The following PIWIL1 variants were observed in gnomAD, a reference collection of about 807,000 sequenced individuals.
PIWIL1 encodes the protein piwi-like protein 1.
A neutral mutation model predicts 114.4 loss-of-function variants in PIWIL1; 73 were observed. That is an observed-to-expected ratio of 0.64 (90% CI 0.53 to 0.78). The LOEUF (loss-of-function observed/expected upper bound fraction) is 0.78, where lower values mean the gene tolerates loss of function less well. Among genes scored for constraint, PIWIL1 ranks in the 30% least tolerant of loss-of-function variants. PIWIL1 has a pLI of 0.00. For missense variants in PIWIL1, 723 were observed against 1,063.1 expected (o/e 0.68, Z 4.45); for synonymous variants, 375 against 369.0 (o/e 1.02, Z -0.19).
chr12:130,387,937 T>C, the PIWIL1 span, among the ~76,000 whole-genome samples: 1 of 152,260 alleles, frequency 6.6e-6, no homozygotes, highest in African/African-American at 2.4e-5. Flanking sequence ...ACTTTTGCTC[T>C]AACCCAAAGT....
chr12:130,407,792 C>G, the PIWIL1 span: 11 of 1,614,030 alleles, frequency 6.8e-6, 1 homozygote, highest in East Asian at 4.5e-5. Flanking sequence ...TTCTCCGCGT[C>G]GATACCGAAT....
chr12:130,398,000 G>T, the PIWIL1 span: 2 of 152,478 alleles, frequency 1.3e-5, no homozygotes, highest in Non-Finnish European at 2.9e-5. Context: ...TCCTGGGGTG[G>T]TTGGTATACT....
At chr12:130,396,298 A>T in the PIWIL1 span, 5 of 152,696 alleles carry the variant, frequency 3.3e-5, no homozygotes, top group African/African-American at 1.2e-4. Flanking sequence ...ACAATGGGGA[A>T]AGCTTTGTCA....
the PIWIL1 span, among the ~76,000 whole-genome samples, chr12:130,409,754 T>C: frequency 6.6e-6 from 1 of 152,098 alleles, no homozygotes; most frequent in African/African-American, 2.4e-5. Flanking sequence ...GTAGGCCCCA[T>C]TGTGTGGGGC....
the PIWIL1 span, among the ~76,000 whole-genome samples, chr12:130,403,522 G>C: frequency 1.3e-5 from 2 of 152,174 alleles, no homozygotes; most frequent in African/African-American, 4.8e-5. Flanking sequence ...AAGATATGTA[G>C]ATTGTTAAAA....
At chr12:130,411,357 A>G in the PIWIL1 span, among the ~76,000 whole-genome samples, 3 of 152,074 alleles carry the variant, frequency 2.0e-5, no homozygotes, top group Non-Finnish European at 2.9e-5. Context: ...TCCCCTCACC[A>G]TGTCGCCCTG....
At chr12:130,423,458 A>G in the PIWIL1 span, among the ~76,000 whole-genome samples, 52 of 152,342 alleles carry the variant, frequency 3.4e-4, no homozygotes, top group African/African-American at 1.1e-3. Flanking sequence ...AAAGGTCAGC[A>G]TGACAGGAGC....
At chr12:130,359,973 T>TGAAA (rs1287892551) in intron 14 of PIWIL1, among the ~76,000 whole-genome samples, 3 of 152,238 alleles carry the variant, frequency 2.0e-5, no homozygotes, top group African/African-American at 7.2e-5. Flanking sequence ...AAAAACAAGT[T>TGAAA]GAAAGTACAT....
At chr12:130,345,347 G>T (rs2073042976) in intron 3 of PIWIL1, 1 of 153,808 alleles carries the variant, frequency 6.5e-6, no homozygotes, top group African/African-American at 2.4e-5. Context: ...AACTTCTGTA[G>T]TTGTAATTGC....
chr12:130,412,246 G>GC, the PIWIL1 span, among the ~76,000 whole-genome samples: 2 of 152,094 alleles, frequency 1.3e-5, no homozygotes, highest in Non-Finnish European at 2.9e-5. Flanking sequence ...AGGCATAGCG[G>GC]CCCCCCAACC....
intron 5 of PIWIL1, 23 bp from the exon 6 acceptor site, chr12:130,346,918 G>A (rs760503783): frequency 1.1e-5 from 18 of 1,604,588 alleles, no homozygotes; most frequent in Non-Finnish European, 1.4e-5. Flanking sequence ...TAAAGTTTGG[G>A]TTTTCCACCT....
the PIWIL1 span, chr12:130,412,743 G>T: frequency 9.3e-6 from 15 of 1,613,808 alleles, no homozygotes; most frequent in Middle Eastern, 1.6e-4. Flanking sequence ...GCCGGGCACA[G>T]GTTTCCCCAC....
At chr12:130,378,942 G>C in the PIWIL1 span, among the ~76,000 whole-genome samples, 1 of 152,184 alleles carries the variant, frequency 6.6e-6, no homozygotes, top group Non-Finnish European at 1.5e-5. Context: ...GAAGATGTTT[G>C]TACAACTGGA....
the PIWIL1 span, among the ~76,000 whole-genome samples, chr12:130,391,196 G>T: frequency 2.0e-5 from 3 of 152,204 alleles, no homozygotes; most frequent in Non-Finnish European, 2.9e-5. Context: ...GAAGAGGAAG[G>T]GCTGCTGAGC....
chr12:130,348,616 T>G (rs1488028741), intron 7 of PIWIL1, among the ~76,000 whole-genome samples: 2 of 151,958 alleles, frequency 1.3e-5, no homozygotes, highest in African/African-American at 2.4e-5. Flanking sequence ...AAATAAGAAA[T>G]AAAAGGCCGG....
chr12:130,424,129 T>G, the PIWIL1 span: 5 of 1,219,560 alleles, frequency 4.1e-6, no homozygotes, highest in Non-Finnish European at 5.1e-6. This position sits in a 1 kb window ranked among gnomAD's most constrained non-coding sequence, Gnocchi z 9.8. Context: ...AAAAGGAAGT[T>G]TAGGTCACAC....
At chr12:130,340,515 C>A (rs1003934899) in intron 1 of PIWIL1, among the ~76,000 whole-genome samples, 2 of 151,796 alleles carry the variant, frequency 1.3e-5, no homozygotes, top group African/African-American at 4.8e-5. Flanking sequence ...CTAATGCCTC[C>A]ACTGATCTAA....
chr12:130,424,062 A>C, the PIWIL1 span: 1 of 765,870 alleles, frequency 1.3e-6, no homozygotes, highest in Non-Finnish European at 1.8e-6. This position sits in a 1 kb window ranked among gnomAD's most constrained non-coding sequence, Gnocchi z 9.8. Context: ...GATGGACACC[A>C]GAACAAACAG....
intron 18 of PIWIL1, among the ~76,000 whole-genome samples, chr12:130,364,746 G>T (rs1452443958): frequency 1.3e-5 from 2 of 152,094 alleles, no homozygotes; most frequent in East Asian, 3.9e-4. Context: ...TGTGCAGCAG[G>T]CAGTAAAGGA....
Sources: allele counts gnomAD v4.1 joint callset (sites outside exome capture counted in the v4.1 genomes callset), GRCh38; gene constraint gnomAD v4.1.1; non-coding constraint Gnocchi (gnomAD v3.1); transcripts MANE v1.5; gene names NCBI Gene and HGNC (gene_info 2026-07-23, HGNC 2026-07-21).